Variants in OIT3 observed in about 807,000 individuals in gnomAD.
OIT3 encodes the protein oncoprotein-induced transcript 3 protein.
OIT3 carries 41 observed loss-of-function variants against 52.2 expected under a neutral mutation model. The observed-to-expected ratio is 0.79, with a 90% confidence interval of 0.61 to 1.02. OIT3 has a LOEUF of 1.02. Among genes scored for constraint, OIT3 ranks in the 50% least tolerant of loss-of-function variants. The probability of loss-of-function intolerance (pLI) is 0.00; values close to 1 mark genes in which losing one functional copy is unlikely to be tolerated. For missense variants in OIT3, 634 were observed against 715.5 expected (o/e 0.89, Z 1.30); for synonymous variants, 244 against 276.9 (o/e 0.88, Z 1.18).
At chr10:72,913,754 T>C in intron 6 of OIT3, 1 of 532,738 alleles carries the variant, frequency 1.9e-6, no homozygotes, top group Non-Finnish European at 3.5e-6. Flanking sequence ...ACTGGGAGGC[T>C]GGCTACATCC....
Position 72,898,660 on chromosome 10 carries a change from C to T in OIT3, c.62-4C>T. On this transcript the variant is annotated splice_polypyrimidine_tract_variant and splice_region_variant and intron_variant, in intron 1 of 8. Coordinates refer to ENST00000334011, the MANE Select transcript of OIT3 (RefSeq NM_152635.3). ...GTACTCTGAGGTATCTTTTTCATTT[C>T]CAGCCCTAGATCCTTGTTCTGCTTA... 1 of 1,592,028 alleles carries T rather than the reference C, an allele frequency of 6.3e-7. No individual in the cohort carries two copies. The highest frequency in any genetic ancestry group is 8.6e-7 in the Non-Finnish European group (1 of 1,163,938).
chr10:72,917,399 G>C (rs553518579), intron 6 of OIT3, among the ~76,000 whole-genome samples: 2 of 151,800 alleles, frequency 1.3e-5, no homozygotes, highest in African/African-American at 4.8e-5. Context: ...CCGCTACTAC[G>C]ATGTCCTATC....
intron 7 of OIT3, 114 bp from the exon 8 acceptor site, chr10:72,930,424 C>T (rs750595558): frequency 5.3e-6 from 4 of 755,330 alleles, no homozygotes; most frequent in Non-Finnish European, 9.3e-6. Flanking sequence ...AGCTTGAGTA[C>T]AGTCCAGCCT....
At position 72,928,095 on chromosome 10, in the gene OIT3, T is replaced by C. The variant is rs531735806; in HGVS notation, c.1368-2443T>C. On this transcript the variant is annotated intron_variant, in intron 7 of 8. Coordinates refer to ENST00000334011, the MANE Select transcript of OIT3 (RefSeq NM_152635.3). ...TGTTTGATTATTCATTTCTTTGATT[T>C]TTCATTGTCCTCGGCTTAAATTTAA... 7.9e-5 allele frequency among the ~76,000 whole-genome samples: 12 copies of C among 152,310 alleles called. No homozygotes were observed. The East Asian group carries it at 2.1e-3, about 27-fold the overall frequency.
intron 1 of OIT3, 121 bp downstream of exon 1, chr10:72,893,980 A>T (rs1215399883): frequency 3.4e-6 from 2 of 594,348 alleles, no homozygotes; most frequent in African/African-American, 3.9e-5. Context: ...ATCTTGTAAG[A>T]AAAGTCCCTA....
intron 3 of OIT3, 65 bp downstream of exon 3, chr10:72,900,549 C>T: frequency 1.2e-6 from 1 of 829,300 alleles, no homozygotes. Flanking sequence ...AAAACTCTTC[C>T]TGCCTCAGAG....
rs761937138 is a variant in OIT3 at position 72,911,831 on chromosome 10, C to T, written c.782C>T (p.Thr261Ile). The change falls in exon 5 of 9, where the codon ACT (threonine) becomes ATT (isoleucine). Residue 261 changes from threonine (T) to isoleucine (I), a missense_variant. Physicochemically the swap from Thr to Ile is moderately conservative, Grantham distance 89. Transcript: ENST00000334011. ...CTGGTGCTGTCTGAGGATAACCACACTTGCCAAGGTAGTACATGGGGCAGG... is the reference window on the plus strand; with the variant it reads ...CTGGTGCTGTCTGAGGATAACCACATTTGCCAAGGTAGTACATGGGGCAGG... ...RGLVLSEDNH[T>I]CQVPVLCKSN... 1 of 1,613,334 alleles carries T rather than the reference C, an allele frequency of 6.2e-7. No homozygotes were observed. Among genetic ancestry groups the T allele is most frequent in the Admixed American group, 1.7e-5 (1 of 59,946 alleles).
intron 6 of OIT3, among the ~76,000 whole-genome samples, chr10:72,920,897 T>C (rs889745450): frequency 2.6e-5 from 4 of 152,324 alleles, no homozygotes; most frequent in Admixed American, 2.0e-4. Flanking sequence ...GAATGTATAT[T>C]CTGTTGTTTT....
chr10:72,899,885 C>T (rs144341396), intron 2 of OIT3, among the ~76,000 whole-genome samples: 1 of 152,178 alleles, frequency 6.6e-6, no homozygotes, highest in East Asian at 1.9e-4. Context: ...TGTTATTAAT[C>T]CTGTCAATGT....
chr10:72,921,828 T>A (rs1206581322), intron 6 of OIT3, among the ~76,000 whole-genome samples: 2 of 151,732 alleles, frequency 1.3e-5, no homozygotes, highest in Non-Finnish European at 2.9e-5. Flanking sequence ...TGTGCCACCA[T>A]CCCTGGCTAA....
chr10:72,904,976 C>A (rs1022130461), intron 3 of OIT3, among the ~76,000 whole-genome samples: 1 of 152,128 alleles, frequency 6.6e-6, no homozygotes, highest in African/African-American at 2.4e-5. Context: ...AGGGTGCTGG[C>A]ATGTGCAGAG....
In OIT3 at chr10:72,932,559, G is replaced by T; in HGVS notation, c.*35G>T. The T allele has an allele frequency of 7.1e-6, 11 of 1,539,660 alleles. No homozygotes were observed. Among genetic ancestry groups the T allele is most frequent in the Non-Finnish European group, 7.0e-6 (8 of 1,142,006 alleles). Reference sequence around the variant, plus strand: ...ATACCTCGAGTCCCTGCATTGGACGGCTCTGCTCTTTGGAGCTTCTCCCCC... The same window carrying T: ...ATACCTCGAGTCCCTGCATTGGACGTCTCTGCTCTTTGGAGCTTCTCCCCC... On this transcript the variant is annotated 3_prime_UTR_variant, in exon 9 of 9. Transcript: ENST00000334011.
chr10:72,894,114 G>A (rs1845853253), intron 1 of OIT3, among the ~76,000 whole-genome samples: 1 of 152,016 alleles, frequency 6.6e-6, no homozygotes, highest in South Asian at 2.1e-4. Context: ...AAGAGTTCCT[G>A]GAGTATGTGT....
chr10:72,930,022 A>G (rs1245071481), intron 7 of OIT3, among the ~76,000 whole-genome samples: 1 of 152,256 alleles, frequency 6.6e-6, no homozygotes, highest in African/African-American at 2.4e-5. Context: ...ACCAGTTATT[A>G]TCTAAGAAAC....
Position 72,913,293 on chromosome 10 carries a change from C to A in OIT3, c.791-15C>A. On this transcript the variant is annotated splice_polypyrimidine_tract_variant and intron_variant, in intron 5 of 8. Coordinates refer to ENST00000334011, the MANE Select transcript of OIT3 (RefSeq NM_152635.3). The stretch of plus-strand genomic sequence containing the variant: ...CAGGTTTCCTGGCTCTAACAGTGGC[C>A]CTTTTTCTCTGCAGTCCCTGTGTTG... 6.4e-7 allele frequency: 1 copy of A among 1,562,946 alleles called. No individual in the cohort carries two copies. Among genetic ancestry groups the A allele is most frequent in the South Asian group, 1.2e-5 (1 of 85,984 alleles).
At chr10:72,916,289 C>T (rs1846072092) in intron 6 of OIT3, among the ~76,000 whole-genome samples, 1 of 151,998 alleles carries the variant, frequency 6.6e-6, no homozygotes, top group Non-Finnish European at 1.5e-5. Flanking sequence ...AAGCCTACTA[C>T]CCGTTAGCTA....
At position 72,932,509 on chromosome 10, in the gene OIT3, C is replaced by A. The variant is rs201990213; in HGVS notation, c.1623C>A (p.Ile541=). The change falls in exon 9 of 9, where the codon ATC becomes ATA. Residue 541 remains isoleucine, a synonymous_variant. Transcript: ENST00000334011. ...CGCTAACAGGCGGCCCGATCCGCAT[C>A]GACTGGGAGGACTAGTTCGTAGCCA... is the stretch of plus-strand genomic sequence containing the variant. ...GQTLTGGPIR[I]DWED The A allele has an allele frequency of 6.2e-7, 1 of 1,606,726 alleles. No homozygotes were observed. The highest frequency in any genetic ancestry group is 1.7e-5 in the Admixed American group (1 of 59,230).
chr10:72,928,182 C>T (rs1287000099), intron 7 of OIT3, among the ~76,000 whole-genome samples: 6 of 152,122 alleles, frequency 3.9e-5, no homozygotes, highest in South Asian at 2.1e-4. Context: ...TTTTGGTTGG[C>T]GTATGCTCTG....
intron 7 of OIT3, among the ~76,000 whole-genome samples, chr10:72,929,574 CTTT>C (rs77531395): frequency 7.2e-6 from 1 of 139,820 alleles, no homozygotes; most frequent in Non-Finnish European, 1.6e-5. Flanking sequence ...CCACACTTGA[CTTT>C]TTTTTTTTTT....
Sources: allele counts gnomAD v4.1 joint callset (sites outside exome capture counted in the v4.1 genomes callset), GRCh38; gene constraint gnomAD v4.1.1; transcripts MANE v1.5; gene names NCBI Gene and HGNC (gene_info 2026-07-23, HGNC 2026-07-21).